PPP2R2C: variants seen among roughly 807,000 people sequenced by gnomAD.
PPP2R2C encodes protein phosphatase 2 regulatory subunit Bgamma, also known as protein phosphatase 2, regulatory subunit B, gamma.
PPP2R2C carries 10 observed loss-of-function variants against 45.3 expected under a neutral mutation model. That is an observed-to-expected ratio of 0.22 (90% CI 0.14 to 0.37). The LOEUF is 0.37. Ranked by LOEUF, PPP2R2C falls within the 10% of genes least tolerant of loss-of-function variation. The pLI, the probability that PPP2R2C is intolerant of heterozygous loss-of-function variation, is 1.00. For missense variants in PPP2R2C, 308 were observed against 619.7 expected, an observed-to-expected ratio of 0.50 and a Z score of 5.34; for synonymous variants, 257 against 245.4, an observed-to-expected ratio of 1.05 and a Z score of -0.44.
intron 1 of PPP2R2C, among the ~76,000 whole-genome samples, chr4:6,403,415 A>G (rs570503107): frequency 1.3e-5 from 2 of 152,284 alleles, no homozygotes; most frequent in East Asian, 3.9e-4. Flanking sequence ...AGAAAAAGAA[A>G]CCGAAATCGC....
At chr4:6,504,021 T>C (rs1577225272) in intron 2 of PPP2R2C, among the ~76,000 whole-genome samples, 3 of 152,234 alleles carry the variant, frequency 2.0e-5, no homozygotes, top group African/African-American at 7.2e-5. Context: ...TTTGTGGCAG[T>C]TGGCCTGAGA....
intron 1 of PPP2R2C, among the ~76,000 whole-genome samples, chr4:6,405,890 T>C (rs1333640800): frequency 6.6e-6 from 1 of 152,166 alleles, no homozygotes; most frequent in Non-Finnish European, 1.5e-5. Flanking sequence ...AAACCCATCT[T>C]GGTGACTTAT....
At chr4:6,554,657 C>T (rs1725301741) in intron 1 of PPP2R2C, among the ~76,000 whole-genome samples, 1 of 152,034 alleles carries the variant, frequency 6.6e-6, no homozygotes. Flanking sequence ...GTCAGGAGTT[C>T]AAGACCAGCC....
At chr4:6,547,129 G>A (rs1217707446) in intron 1 of PPP2R2C, among the ~76,000 whole-genome samples, 2 of 152,158 alleles carry the variant, frequency 1.3e-5, no homozygotes. Context: ...CAGATTCGGC[G>A]ATTATCAAGA....
At chr4:6,403,678 C>G (rs532598169) in intron 1 of PPP2R2C, among the ~76,000 whole-genome samples, 1 of 152,200 alleles carries the variant, frequency 6.6e-6, no homozygotes, top group East Asian at 1.9e-4. Context: ...GCCTGGCCAA[C>G]ATGGTGAAAC....
At chr4:6,358,813 T>G (rs1358084079) in intron 5 of PPP2R2C, among the ~76,000 whole-genome samples, 1 of 152,154 alleles carries the variant, frequency 6.6e-6, no homozygotes, top group Non-Finnish European at 1.5e-5. Flanking sequence ...TCAAACCAGC[T>G]ACAATGGCGA....
Position 6,468,660 on chromosome 4 carries a change from T to G in PPP2R2C, c.70+3500A>C, listed in dbSNP as rs560177403. ...AACCACCTCCCCTTGGCTGAGCTCC[T>G]GTGTCTTGGTCATCACTGCTGCCCA... On this transcript the variant is annotated intron_variant, in intron 1 of 8. Coordinates refer to ENST00000382599, the MANE Select transcript of PPP2R2C (RefSeq NM_020416.4). Among the ~76,000 whole-genome samples, 12 of 152,298 alleles carry G rather than the reference T, an allele frequency of 7.9e-5. No individual in the cohort carries two copies. In the South Asian group the frequency reaches 2.5e-3, roughly 32 times the overall value.
At chr4:6,540,442 T>C (rs916655758) in intron 1 of PPP2R2C, among the ~76,000 whole-genome samples, 6 of 152,262 alleles carry the variant, frequency 3.9e-5, no homozygotes, top group Admixed American at 2.6e-4. Flanking sequence ...CTCCACTGTA[T>C]GGATAGACCA....
At chr4:6,409,116 A>G (rs1717991780) in intron 1 of PPP2R2C, among the ~76,000 whole-genome samples, 1 of 152,156 alleles carries the variant, frequency 6.6e-6, no homozygotes, top group Non-Finnish European at 1.5e-5. Flanking sequence ...GGCACCCAGC[A>G]TTGTGCAGCA....
intron 1 of PPP2R2C, chr4:6,383,207 G>A (rs183779189): frequency 1.9e-5 from 23 of 1,191,308 alleles, no homozygotes; most frequent in Non-Finnish European, 2.4e-5. Flanking sequence ...GGCCCCTGAG[G>A]GGGAGGAGGA....
chr4:6,563,364 C>G lies in PPP2R2C; in HGVS notation c.-59+196G>C, dbSNP rs1725646737. Among the ~76,000 whole-genome samples the G allele has an allele frequency of 2.6e-5, 4 of 152,214 alleles. No individual in the cohort carries two copies. The South Asian group carries it at 8.3e-4, about 31-fold the overall frequency. On this transcript the variant is annotated intron_variant, in intron 1 of 9. Transcript: ENST00000506140. The surrounding 1 kb of genome is among the most constrained non-coding windows in gnomAD (Gnocchi z 5.8). Reference sequence around the variant, plus strand: ...GAGCCAGCCCTGCCCCAGGACCGCCCCGGGGTCGGTGCCCGGGCTCTCTGA... The same window carrying G: ...GAGCCAGCCCTGCCCCAGGACCGCCGCGGGGTCGGTGCCCGGGCTCTCTGA...
chr4:6,470,956 C>G (rs1412615620), intron 1 of PPP2R2C, among the ~76,000 whole-genome samples: 1 of 150,870 alleles, frequency 6.6e-6, no homozygotes, highest in Non-Finnish European at 1.5e-5. Flanking sequence ...CCCGAGCCCG[C>G]CCGCGCCCGC....
chr4:6,488,611 G>A (rs1722601606), intron 2 of PPP2R2C, among the ~76,000 whole-genome samples: 1 of 152,102 alleles, frequency 6.6e-6, no homozygotes, highest in Non-Finnish European at 1.5e-5. Flanking sequence ...TTGAACTTGG[G>A]AGATCAAGGC....
chr4:6,355,628 C>A lies in PPP2R2C; in HGVS notation c.626-7618G>T, dbSNP rs185394825. Among the ~76,000 whole-genome samples, 253 of 151,022 alleles carry A rather than the reference C, an allele frequency of 1.7e-3. 1 individual carries two copies. The highest frequency in any genetic ancestry group is 0.014 in the Admixed American group (215 of 15,210). The stretch of plus-strand genomic sequence containing the variant: ...TTTTTTAGGAGTGGATCGTCACTGA[C>A]AAAGGCCATTCAAAGGAGCCGTCCC... On this transcript the variant is annotated intron_variant, in intron 5 of 8. Coordinates refer to ENST00000382599, the MANE Select transcript of PPP2R2C (RefSeq NM_020416.4).
upstream of PPP2R2C, chr4:6,563,621 GGCGGCGGGC>G (rs1020659128): frequency 1.8e-4 from 27 of 152,818 alleles, no homozygotes; most frequent in South Asian, 5.3e-4. This position sits in a 1 kb window ranked among gnomAD's most constrained non-coding sequence, Gnocchi z 5.8. Flanking sequence ...AGCCCTGGTC[GGCGGCGGGC>G]GCGGCGGGCG....
chr4:6,456,141 A>G (rs561746763), intron 1 of PPP2R2C, among the ~76,000 whole-genome samples: 2 of 152,374 alleles, frequency 1.3e-5, no homozygotes, highest in Admixed American at 1.3e-4. Flanking sequence ...TTATGCAGCC[A>G]ATAAAAATTG....
At chr4:6,506,128 T>C (rs937976211) in intron 2 of PPP2R2C, among the ~76,000 whole-genome samples, 1 of 152,262 alleles carries the variant, frequency 6.6e-6, no homozygotes, top group Admixed American at 6.5e-5. Context: ...TAAAATAATG[T>C]GTTGGCTCTT....
At chr4:6,463,438 T>C (rs1192329218) in intron 1 of PPP2R2C, among the ~76,000 whole-genome samples, 1 of 152,246 alleles carries the variant, frequency 6.6e-6, no homozygotes, top group Non-Finnish European at 1.5e-5. Flanking sequence ...CCATCCCTGC[T>C]TGCGGCAGCC....
intron 5 of PPP2R2C, chr4:6,348,913 G>A (rs948193491): frequency 8.6e-6 from 7 of 818,464 alleles, no homozygotes; most frequent in Non-Finnish European, 1.0e-5. Flanking sequence ...GCTTGCAAAG[G>A]CAGTATCCCT....
Sources: allele counts gnomAD v4.1 joint callset (sites outside exome capture counted in the v4.1 genomes callset), GRCh38; gene constraint gnomAD v4.1.1; non-coding constraint Gnocchi (gnomAD v3.1); transcripts MANE v1.5; gene names NCBI Gene and HGNC (gene_info 2026-07-23, HGNC 2026-07-21).